Variants in RPS2 observed in about 807,000 individuals in gnomAD.
The protein encoded by RPS2 is small ribosomal subunit protein uS5.
In RPS2, 8 loss-of-function variants were observed where a neutral mutation model predicts 25.3. The observed-to-expected ratio is 0.32, with a 90% CI of 0.19 to 0.57. RPS2 has a LOEUF of 0.57. RPS2 is among the 20% of genes least tolerant of loss of function. The pLI is 0.90. For synonymous variants in RPS2, 181 were observed against 161.3 expected, an observed-to-expected ratio of 1.12 and a Z score of -0.92; for missense variants, 229 against 408.1, an observed-to-expected ratio of 0.56 and a Z score of 3.78.
chr16:1,963,292 A>G, intron 3 of RPS2, 36 bp from the exon 4 acceptor site: 1 of 1,361,024 alleles, frequency 7.3e-7, no homozygotes, highest in Non-Finnish European at 1.0e-6. Context: ...GAGAGCATTA[A>G]AAAAAAACTT....
chr16:1,964,436 G>T lies in RPS2; in HGVS notation c.177+13C>A. 1 of 1,610,076 alleles carries T rather than the reference G, an allele frequency of 6.2e-7. No individual in the cohort carries two copies. On this transcript the variant is annotated intron_variant, in intron 2 of 6. Transcript: ENST00000343262. ...CGCCCAGGGGCCCGACCCCGAGCGT[G>T]GCTGATACCTACCTCCTTATCCTCG...
In RPS2 at chr16:1,964,528, A is replaced by C; in HGVS notation, c.98T>G (p.Ile33Ser). 6.3e-7 allele frequency: 1 copy of C among 1,594,672 alleles called. No individual in the cohort carries two copies. The highest frequency in any genetic ancestry group is 8.5e-7 in the Non-Finnish European group (1 of 1,170,810). The change falls in exon 2 of 7, where the codon ATC becomes AGC. Residue 33 changes from isoleucine to serine, a missense_variant. By Grantham distance (142) the Ile-to-Ser change is moderately radical (BLOSUM62 -2). Around this residue, in one of 7 missense-constraint regions of RPS2, gnomAD observed 70 missense variants for 119.0 expected, o/e 0.59. Transcript: ENST00000343262. ...GGFRGGFGSG[I>S]RGRGRGRGRG... ...TCCACGGCCGCGACCCCGGCCCCGG[A>C]TGCCACTGCCGAAACCTCCGCGGAA... is the stretch of plus-strand genomic sequence containing the variant.
At chr16:1,963,405 C>T in intron 3 of RPS2, 149 bp from the exon 4 acceptor site, 1 of 596,800 alleles carries the variant, frequency 1.7e-6, no homozygotes, top group Non-Finnish European at 3.0e-6. Flanking sequence ...ATCACAAGGT[C>T]AGGAGTCCGA....
chr16:1,963,315 A>C (rs72764889), intron 3 of RPS2, 59 bp from the exon 4 acceptor site: 183,777 of 1,117,286 alleles, frequency 0.16, 17,084 homozygotes, highest in South Asian at 0.31. Context: ...TACCATTATG[A>C]TATTCAAGAA....
chr16:1,963,059 A>G, intron 4 of RPS2, 90 bp downstream of exon 4: 4 of 1,375,074 alleles, frequency 2.9e-6, no homozygotes, highest in Non-Finnish European at 4.2e-6. Flanking sequence ...CCCCGTTACG[A>G]AAGTCACACG....
chr16:1,962,706 C>T (rs756063667), intron 5 of RPS2, 30 bp downstream of exon 5: 138 of 1,588,264 alleles, frequency 8.7e-5, no homozygotes, highest in Admixed American at 5.5e-4. Context: ...GCCTGCCCCA[C>T]GGCAGGCCCA....
At chr16:1,963,360 G>A in intron 3 of RPS2, 104 bp from the exon 4 acceptor site, 1 of 705,036 alleles carries the variant, frequency 1.4e-6, no homozygotes, top group Non-Finnish European at 2.4e-6. Context: ...GCTCAAGCCT[G>A]TAATCCCAGC....
At chr16:1,963,628 C>T (rs776381869) in intron 3 of RPS2, 1 of 335,446 alleles carries the variant, frequency 3.0e-6, no homozygotes, top group Non-Finnish European at 5.9e-6. Context: ...CCAAAAAAAA[C>T]CGAAGAAGTC....
At chr16:1,964,195 A>T (rs2083285726) in intron 3 of RPS2, 81 bp downstream of exon 3, 1 of 1,037,932 alleles carries the variant, frequency 9.6e-7, no homozygotes, top group Non-Finnish European at 1.5e-6. Flanking sequence ...ATGCGAGTCA[A>T]TGGCAGATGC....
chr16:1,963,309 A>C, intron 3 of RPS2, 53 bp from the exon 4 acceptor site: 2 of 1,227,522 alleles, frequency 1.6e-6, no homozygotes, highest in Non-Finnish European at 2.3e-6. Flanking sequence ...ACTTAATACC[A>C]TTATGATATT....
chr16:1,963,607 G>GCCCCCCCCCCCC (rs1206542724), intron 3 of RPS2: 15 of 339,610 alleles, frequency 4.4e-5, no homozygotes, highest in African/African-American at 9.2e-5. Flanking sequence ...CTGTGTAACC[G>GCCCCCCCCCCCC]CCCACCCCGC....
intron 6 of RPS2, 72 bp from the exon 7 acceptor site, chr16:1,962,342 C>A (rs1327090116): frequency 1.4e-6 from 2 of 1,458,226 alleles, no homozygotes; most frequent in Non-Finnish European, 1.9e-6. Flanking sequence ...AAAATTGTCG[C>A]ACTCCTAGGA....
At chr16:1,963,052 C>T (rs749933628) in intron 4 of RPS2, 97 bp downstream of exon 4, 17 of 1,369,722 alleles carry the variant, frequency 1.2e-5, no homozygotes, top group South Asian at 3.5e-5. Context: ...TCTCTCTCCC[C>T]GTTACGAAAG....
At position 1,964,638 on chromosome 16, in the gene RPS2, G is replaced by A; in HGVS notation, c.-3-10C>T. ...CGTCATCCGCCATTTGCTGGGAAAAGCGACAAGAAGGAACTAGTCAGTGTG... is the reference window on the plus strand; with the variant it reads ...CGTCATCCGCCATTTGCTGGGAAAAACGACAAGAAGGAACTAGTCAGTGTG... On this transcript the variant is annotated splice_polypyrimidine_tract_variant and intron_variant, in intron 1 of 6. Transcript: ENST00000343262. The A allele has an allele frequency of 7.2e-7, 1 of 1,383,570 alleles. No homozygotes were observed. Among genetic ancestry groups the A allele is most frequent in the Non-Finnish European group, 9.8e-7 (1 of 1,020,752 alleles). The allele number at this position is 1,383,570 out of a possible 1,614,324, so 85.7% of individuals were successfully genotyped here.
intron 3 of RPS2, chr16:1,963,798 TGCTTTGTCCA>T (rs2083281209): frequency 2.2e-6 from 1 of 458,052 alleles, no homozygotes; most frequent in Non-Finnish European, 4.4e-6. Context: ...GATTTCCTTT[TGCTTTGTCCA>T]GCTTTGGCCT....
At chr16:1,963,340 G>C in intron 3 of RPS2, 84 bp from the exon 4 acceptor site, 6 of 889,064 alleles carry the variant, frequency 6.7e-6, no homozygotes, top group African/African-American at 1.7e-5. Flanking sequence ...AGTCACGGCC[G>C]GGGGCGGTGG....
rs550562015 is a variant in RPS2 at position 1,962,185 on chromosome 16, G to A, written c.795C>T (p.Pro265=). 4 of 1,601,426 alleles carry A rather than the reference G, an allele frequency of 2.5e-6. No homozygotes were observed. The highest frequency in any genetic ancestry group is 2.2e-5 in the South Asian group (2 of 90,716). The part of the protein sequence containing the change: ...LWKETVFTKS[P]YQEFTDHLVK... Reference sequence around the variant, plus strand: ...CGAGGTGGTCAGTGAACTCCTGATAGGGAGACTTGGTGAATACAGTCTCCT... The same window carrying A: ...CGAGGTGGTCAGTGAACTCCTGATAAGGAGACTTGGTGAATACAGTCTCCT... Residue 265 remains proline, a synonymous_variant, in exon 7 of 7, where the codon CCC becomes CCT. Transcript: ENST00000343262.
intron 4 of RPS2, 74 bp from the exon 5 acceptor site, chr16:1,962,983 C>A (rs1397731897): frequency 6.5e-7 from 1 of 1,527,724 alleles, no homozygotes; most frequent in Admixed American, 1.7e-5. Context: ...GCCTGTTGCA[C>A]CCCTCAAGGA....
intron 2 of RPS2, 32 bp downstream of exon 2, chr16:1,964,417 G>A (rs766152649): frequency 3.1e-6 from 5 of 1,612,794 alleles, no homozygotes; most frequent in South Asian, 1.1e-5. Context: ...GCGCCGCCCA[G>A]GGGCCCGACC....
Sources: allele counts gnomAD v4.1 joint callset, GRCh38; gene constraint gnomAD v4.1.1; regional missense constraint gnomAD v4.1.1; transcripts MANE v1.5; gene names NCBI Gene and HGNC (gene_info 2026-07-23, HGNC 2026-07-21).